PCBP3: variants seen among roughly 807,000 people sequenced by gnomAD.
PCBP3 encodes poly(rC) binding protein 3, also known as poly(rC)-binding protein 3.
A neutral mutation model predicts 52.7 loss-of-function variants in PCBP3; 25 were observed. The observed-to-expected ratio is 0.47, with a 90% CI of 0.35 to 0.66. The LOEUF is 0.66. PCBP3 is among the 30% of genes least tolerant of loss of function. The pLI is 0.01. For synonymous variants in PCBP3, 162 were observed against 183.0 expected (o/e 0.89, Z 0.93); for missense variants, 391 against 490.3 (o/e 0.80, Z 1.91).
intron 2 of PCBP3, among the ~76,000 whole-genome samples, chr21:45,678,479 A>G (rs1340812544): frequency 1.3e-5 from 2 of 152,194 alleles, no homozygotes; most frequent in African/African-American, 4.8e-5. Context: ...GGAGGAGGTC[A>G]CAACATCAAC....
In PCBP3 at chr21:45,855,947, T is replaced by C. The variant is rs2094276219; in HGVS notation, c.10+5852T>C. ...AACCGTAACATCTCATGAGACAGGTTTTATTTAACCCAATATAACGTGGCT... is the reference window on the plus strand; with the variant it reads ...AACCGTAACATCTCATGAGACAGGTCTTATTTAACCCAATATAACGTGGCT... On this transcript the variant is annotated intron_variant, in intron 5 of 17. Coordinates refer to ENST00000681687, the MANE Select transcript of PCBP3 (RefSeq NM_001384156.1). Among the ~76,000 whole-genome samples, 5 of 152,260 alleles carry C rather than the reference T, an allele frequency of 3.3e-5. No individual in the cohort carries two copies. In the South Asian group the frequency reaches 1.0e-3, roughly 31 times the overall value.
chr21:45,676,472 A>C (rs1034169702), intron 2 of PCBP3, among the ~76,000 whole-genome samples: 1 of 152,010 alleles, frequency 6.6e-6, no homozygotes, highest in Non-Finnish European at 1.5e-5. Context: ...TCTGTGTCAC[A>C]TTTTAGTACT....
At chr21:45,644,066 G>A (rs1000457266) in intron 1 of PCBP3, among the ~76,000 whole-genome samples, 198 bp downstream of exon 1, 2 of 150,174 alleles carry the variant, frequency 1.3e-5, no homozygotes, top group East Asian at 2.0e-4. Context: ...GGGCAGCGAG[G>A]GGACTCGCGC....
rs146330990 is a variant in PCBP3 at position 45,919,634 on chromosome 21, C to A, written c.717+2005C>A. On this transcript the variant is annotated intron_variant, in intron 13 of 17. Transcript: ENST00000681687. ...GCCCCAGAGGCCGTTTTTAGTGGTT[C>A]CTGGCGTCAGACCTTTGGTGATGCT... Among the ~76,000 whole-genome samples, 63 of 152,326 alleles carry A rather than the reference C, an allele frequency of 4.1e-4. No individual in the cohort carries two copies. The East Asian group carries it at 0.012, about 28-fold the overall frequency.
intron 4 of PCBP3, among the ~76,000 whole-genome samples, chr21:45,844,304 G>A (rs928488288): frequency 1.3e-5 from 2 of 152,084 alleles, no homozygotes; most frequent in African/African-American, 4.8e-5. Flanking sequence ...GCATAGACAC[G>A]TTGGGTGGGA....
chr21:45,754,191 A>G (rs2087810756), intron 3 of PCBP3, among the ~76,000 whole-genome samples: 1 of 152,188 alleles, frequency 6.6e-6, no homozygotes, highest in Non-Finnish European at 1.5e-5. Flanking sequence ...AAAAGCTCGG[A>G]CTACAAGTTT....
At chr21:45,920,848 A>G (rs1453803664) in intron 13 of PCBP3, among the ~76,000 whole-genome samples, 2 of 152,192 alleles carry the variant, frequency 1.3e-5, no homozygotes, top group African/African-American at 4.8e-5. Context: ...TCCAGCCCCC[A>G]TAACTGTGAG....
intron 4 of PCBP3, among the ~76,000 whole-genome samples, chr21:45,815,769 T>G (rs1419791531): frequency 4.6e-4 from 21 of 45,932 alleles, no homozygotes; most frequent in African/African-American, 5.1e-4. Context: ...GATGAGTGAG[T>G]GGTGAGTGAT....
At chr21:45,810,795 C>A (rs1176068396) in intron 4 of PCBP3, among the ~76,000 whole-genome samples, 1 of 152,116 alleles carries the variant, frequency 6.6e-6, no homozygotes, top group South Asian at 2.1e-4. Flanking sequence ...TGCCTTGAGT[C>A]TTCTTGTCGG....
chr21:45,845,667 A>G (rs921408754), intron 4 of PCBP3, among the ~76,000 whole-genome samples: 8 of 136,482 alleles, frequency 5.9e-5, no homozygotes, highest in South Asian at 2.4e-4. Context: ...TGCCTTTGCC[A>G]TGTGCATGCA....
chr21:45,814,676 GA>G (rs2092798998), intron 4 of PCBP3, among the ~76,000 whole-genome samples: 3 of 135,208 alleles, frequency 2.2e-5, no homozygotes, highest in Admixed American at 7.2e-5. Flanking sequence ...GATGAGTGGT[GA>G]GTGGTGAGTG....
intron 3 of PCBP3, among the ~76,000 whole-genome samples, chr21:45,742,452 C>A (rs1190110611): frequency 6.6e-6 from 1 of 152,190 alleles, no homozygotes; most frequent in Non-Finnish European, 1.5e-5. Flanking sequence ...AGCATTCTTG[C>A]ATTATTGAAG....
At chr21:45,826,258 C>CA (rs10679763) in intron 4 of PCBP3, among the ~76,000 whole-genome samples, 12,483 of 129,582 alleles carry the variant, frequency 0.096, 560 homozygotes, top group Middle Eastern at 0.13. Flanking sequence ...AACTCTGTCT[C>CA]AAAAAAAAAA....
chr21:45,906,510 G>T (rs1260423483), intron 9 of PCBP3, among the ~76,000 whole-genome samples: 1 of 152,064 alleles, frequency 6.6e-6, no homozygotes, highest in Non-Finnish European at 1.5e-5. Context: ...TTGGATTTGG[G>T]GTCACAGGAT....
At chr21:45,838,839 G>A (rs1048669270) in intron 4 of PCBP3, among the ~76,000 whole-genome samples, 1 of 151,796 alleles carries the variant, frequency 6.6e-6, no homozygotes, top group African/African-American at 2.4e-5. Flanking sequence ...TTCTCTCTGT[G>A]GTTATAGCTT....
rs368501301 is a variant in PCBP3, at chr21:45,680,396, A to T, written c.-200+11444A>T. Among the ~76,000 whole-genome samples, 7 of 152,220 alleles carry T rather than the reference A, an allele frequency of 4.6e-5. No individual in the cohort carries two copies. The East Asian group carries it at 1.3e-3, about 29-fold the overall frequency. Reference sequence around the variant, plus strand: ...TTAGATATATTTGTTTTAATTCTTCAGTGTTTTGTAGTTGTCAGCATAAAA... The same window carrying T: ...TTAGATATATTTGTTTTAATTCTTCTGTGTTTTGTAGTTGTCAGCATAAAA... On this transcript the variant is annotated intron_variant, in intron 2 of 17. Coordinates refer to ENST00000681687, the MANE Select transcript of PCBP3 (RefSeq NM_001384156.1).
At chr21:45,898,175 C>T (rs963610756) in intron 6 of PCBP3, among the ~76,000 whole-genome samples, 2 of 152,188 alleles carry the variant, frequency 1.3e-5, no homozygotes, top group East Asian at 1.9e-4. Context: ...GCCAGGTGCA[C>T]GGCCCCATCT....
chr21:45,846,064 A>G (rs1452830206), intron 4 of PCBP3, among the ~76,000 whole-genome samples: 1 of 152,124 alleles, frequency 6.6e-6, no homozygotes, highest in Non-Finnish European at 1.5e-5. Flanking sequence ...ATCCAGCTCC[A>G]TCAGGGGCCT....
At chr21:45,733,486 T>C (rs1027714147) in intron 2 of PCBP3, among the ~76,000 whole-genome samples, 1 of 151,940 alleles carries the variant, frequency 6.6e-6, no homozygotes, top group African/African-American at 2.4e-5. Flanking sequence ...ACAGACGGGG[T>C]TTCACTGTGT....
Sources: allele counts gnomAD v4.1 joint callset (sites outside exome capture counted in the v4.1 genomes callset), GRCh38; gene constraint gnomAD v4.1.1; transcripts MANE v1.5; gene names NCBI Gene and HGNC (gene_info 2026-07-23, HGNC 2026-07-21).